The following KLHL6 variants were observed in gnomAD, a reference collection of about 807,000 sequenced individuals.
The protein encoded by KLHL6 is kelch-like protein 6.
A neutral mutation model predicts 58.6 loss-of-function variants in KLHL6; 41 were observed. The observed-to-expected ratio is 0.70, with a 90% CI of 0.55 to 0.91. The LOEUF is 0.91. Among genes scored for constraint, KLHL6 ranks in the 40% least tolerant of loss-of-function variants. KLHL6 has a pLI of 0.00. For synonymous variants in KLHL6, 338 were observed against 322.7 expected, an observed-to-expected ratio of 1.05 and a Z score of -0.51; for missense variants, 714 against 805.6, an observed-to-expected ratio of 0.89 and a Z score of 1.38.
intron 3 of KLHL6, among the ~76,000 whole-genome samples, chr3:183,500,322 T>C (rs1311007383): frequency 2.0e-5 from 3 of 152,126 alleles, no homozygotes; most frequent in African/African-American, 7.2e-5. Context: ...TTCAGAGACT[T>C]AGGAAACAAG....
At position 183,506,539 on chromosome 3, in the gene KLHL6, G is replaced by A. The variant is rs565901413; in HGVS notation, c.909+1520C>T. Among the ~76,000 whole-genome samples, 18 of 152,242 alleles carry A rather than the reference G, an allele frequency of 1.2e-4. No homozygotes were observed. The East Asian group carries it at 2.5e-3, about 21-fold the overall frequency. On this transcript the variant is annotated intron_variant, in intron 3 of 6. Transcript: ENST00000341319. The stretch of plus-strand genomic sequence containing the variant: ...AATGCACCAAGTGCTATGAGAACAC[G>A]GAGAGTGGCTGGGTGTGGTGGCTCA...
At chr3:183,506,315 G>A (rs10513793) in intron 3 of KLHL6, among the ~76,000 whole-genome samples, 14,519 of 152,206 alleles carry the variant, frequency 0.095, 952 homozygotes, top group South Asian at 0.16. Context: ...TTCACCGTTC[G>A]TAGTACCCAT....
At chr3:183,550,898 A>C (rs1049758814) in intron 1 of KLHL6, among the ~76,000 whole-genome samples, 1 of 152,142 alleles carries the variant, frequency 6.6e-6, no homozygotes, top group African/African-American at 2.4e-5. Context: ...AGGTGGGTGG[A>C]TCACGAGGTC....
intron 1 of KLHL6, among the ~76,000 whole-genome samples, chr3:183,545,922 G>A (rs1712702819): frequency 6.6e-6 from 1 of 152,192 alleles, no homozygotes; most frequent in South Asian, 2.1e-4. Flanking sequence ...GCTCTGGCCA[G>A]GATGCTACTT....
intron 1 of KLHL6, among the ~76,000 whole-genome samples, chr3:183,553,624 C>T (rs1713009822): frequency 6.6e-6 from 1 of 152,162 alleles, no homozygotes; most frequent in South Asian, 2.1e-4. Flanking sequence ...ATTTTGATGG[C>T]TGTGTTTACA....
intron 1 of KLHL6, among the ~76,000 whole-genome samples, chr3:183,554,729 A>G (rs140893037): frequency 1.2e-3 from 178 of 152,340 alleles, no homozygotes; most frequent in African/African-American, 3.9e-3. Flanking sequence ...AGTCAGACCA[A>G]GGGGGAAAAA....
rs953035929 is a variant in KLHL6 at position 183,499,195 on chromosome 3, A to T, written c.1147+395T>A. 6.6e-6 allele frequency among the ~76,000 whole-genome samples: 1 copy of T among 152,142 alleles called. No homozygotes were observed. Among genetic ancestry groups the T allele is most frequent in the Non-Finnish European group, 1.5e-5 (1 of 68,030 alleles). ...CGTCTCTACTAAAAGTACAAAAATT[A>T]GCTGGGCATGGTGGCAGGCACCTGA... is the stretch of plus-strand genomic sequence containing the variant. On this transcript the variant is annotated intron_variant, in intron 4 of 6. Coordinates refer to ENST00000341319, the MANE Select transcript of KLHL6 (RefSeq NM_130446.4). The surrounding 1 kb of genome is among the most constrained non-coding windows in gnomAD (Gnocchi z 4.6).
At chr3:183,505,362 G>A (rs563865667) in intron 3 of KLHL6, among the ~76,000 whole-genome samples, 45 of 152,328 alleles carry the variant, frequency 3.0e-4, no homozygotes, top group South Asian at 2.3e-3. Context: ...AAGGCATAGC[G>A]TGCTTAAATA....
chr3:183,552,568 A>G (rs946681278), intron 1 of KLHL6, among the ~76,000 whole-genome samples: 12 of 151,922 alleles, frequency 7.9e-5, no homozygotes, highest in Non-Finnish European at 1.5e-5. Flanking sequence ...AATACAAAAA[A>G]TTAGCCGGGC....
At chr3:183,531,441 G>GTATTTTTTTTTTTT (rs1367673441) in intron 1 of KLHL6, among the ~76,000 whole-genome samples, 3 of 102,100 alleles carry the variant, frequency 2.9e-5, no homozygotes, top group Non-Finnish European at 6.5e-5. Flanking sequence ...TTTTTTGTCT[G>GTATTTTTTTTTTTT]TGTTTTTTTT....
intron 1 of KLHL6, among the ~76,000 whole-genome samples, chr3:183,549,776 C>G (rs1157122356): frequency 1.3e-5 from 2 of 152,146 alleles, no homozygotes; most frequent in African/African-American, 4.8e-5. Context: ...AGTATAGCCT[C>G]TAAAATAAAA....
At chr3:183,500,476 C>T (rs905794763) in intron 3 of KLHL6, among the ~76,000 whole-genome samples, 2 of 152,190 alleles carry the variant, frequency 1.3e-5, no homozygotes, top group African/African-American at 4.8e-5. Context: ...GTTCAGAAGT[C>T]AAATGTACCA....
chr3:183,500,245 T>C (rs150280265), intron 3 of KLHL6, among the ~76,000 whole-genome samples: 1 of 152,316 alleles, frequency 6.6e-6, no homozygotes, highest in Non-Finnish European at 1.5e-5. Flanking sequence ...TTCTTGATGA[T>C]ACCTCAGACT....
intron 4 of KLHL6, among the ~76,000 whole-genome samples, chr3:183,498,935 G>A (rs753393584): frequency 4.6e-5 from 7 of 152,352 alleles, no homozygotes; most frequent in Non-Finnish European, 8.8e-5. Context: ...TTCCCACTGC[G>A]TAGCTCAGGG....
At chr3:183,534,903 T>C (rs1357048121) in intron 1 of KLHL6, among the ~76,000 whole-genome samples, 2 of 149,384 alleles carry the variant, frequency 1.3e-5, no homozygotes, top group African/African-American at 4.9e-5. Flanking sequence ...TATATGTATG[T>C]ATGTATGTAT....
Position 183,508,512 on chromosome 3 carries a change from A to C in KLHL6, c.460-4T>G, listed in dbSNP as rs371837958. 6.2e-7 allele frequency: 1 copy of C among 1,610,596 alleles called. No homozygotes were observed. Among genetic ancestry groups the C allele is most frequent in the African/African-American group, 1.3e-5 (1 of 74,752 alleles). On this transcript the variant is annotated splice_polypyrimidine_tract_variant and splice_region_variant and intron_variant, in intron 2 of 6. Coordinates refer to ENST00000341319, the MANE Select transcript of KLHL6 (RefSeq NM_130446.4). ...AGGCATCCACCATCCGCAGGAACTG[A>C]TGAAATAGAAAGGGTGGAAAGGAGG...
At chr3:183,510,982 T>C (rs1449589997) in intron 2 of KLHL6, among the ~76,000 whole-genome samples, 1 of 152,234 alleles carries the variant, frequency 6.6e-6, no homozygotes, top group East Asian at 1.9e-4. Flanking sequence ...GACGAGAGAC[T>C]GAGAAAAGAA....
At chr3:183,535,905 A>T (rs1237253388) in intron 1 of KLHL6, among the ~76,000 whole-genome samples, 1 of 152,184 alleles carries the variant, frequency 6.6e-6, no homozygotes, top group Non-Finnish European at 1.5e-5. Flanking sequence ...CCTCCTGAGT[A>T]GCTAGGGCTA....
At chr3:183,537,668 G>A (rs548869412) in intron 1 of KLHL6, among the ~76,000 whole-genome samples, 1 of 152,052 alleles carries the variant, frequency 6.6e-6, no homozygotes, top group Non-Finnish European at 1.5e-5. Flanking sequence ...CATGAAGTCA[G>A]GCCATGCCAC....
Sources: allele counts gnomAD v4.1 joint callset (sites outside exome capture counted in the v4.1 genomes callset), GRCh38; gene constraint gnomAD v4.1.1; non-coding constraint Gnocchi (gnomAD v3.1); transcripts MANE v1.5; gene names NCBI Gene and HGNC (gene_info 2026-07-23, HGNC 2026-07-21).